PCDHGA1: variants seen among roughly 807,000 people sequenced by gnomAD.
The protein encoded by PCDHGA1 is protocadherin gamma-A1.
Under a neutral mutation model 58.0 loss-of-function variants are expected in PCDHGA1, and 32 were observed. The observed-to-expected ratio is 0.55, with a 90% CI of 0.42 to 0.74. The LOEUF (loss-of-function observed/expected upper bound fraction) is 0.74, where lower values mean the gene tolerates loss of function less well. PCDHGA1 is among the 30% of genes least tolerant of loss of function. The pLI is 0.00. For synonymous variants in PCDHGA1, 498 were observed against 501.1 expected (o/e 0.99, Z 0.08); for missense variants, 1,205 against 1,182.3 (o/e 1.02, Z -0.28).
chr5:141,454,998 G>A (rs909142112), intron 1 of PCDHGA1, among the ~76,000 whole-genome samples: 1 of 151,220 alleles, frequency 6.6e-6, no homozygotes, highest in Admixed American at 6.6e-5. Flanking sequence ...ATTTTTAGTA[G>A]AGACGGGGTT....
Position 141,493,788 on chromosome 5 carries a change from C to A in PCDHGA1, c.2422-1019C>A, listed in dbSNP as rs2099750132. On this transcript the variant is annotated intron_variant, in intron 1 of 3. Transcript: ENST00000517417. This position sits in a 1 kb window ranked among gnomAD's most constrained non-coding sequence, Gnocchi z 4.3. ...ACTGGCAGTTCCGGAGCTTCCTTCT[C>A]CCTGGAGTAATCTGAGATACTCACA... 6.6e-6 allele frequency among the ~76,000 whole-genome samples: 1 copy of A among 152,162 alleles called. No homozygotes were observed. The highest frequency in any genetic ancestry group is 1.5e-5 in the Non-Finnish European group (1 of 68,026).
Position 141,332,511 on chromosome 5 carries a change from C to G in PCDHGA1, c.1827C>G (p.Leu609=), listed in dbSNP as rs768649329. Residue 609 remains leucine, a synonymous_variant, in exon 1 of 4, where the codon CTC becomes CTG. Transcript: ENST00000517417. The surrounding 1 kb of genome is among the most constrained non-coding windows in gnomAD (Gnocchi z 4.6). ...ACGCCTGGCTGTCCTACCGCCTGCT[C>G]AAGGCCAGCGAGCCGGGACTCTTCT... ...GQNAWLSYRL[L]KASEPGLFSV... 2.5e-6 allele frequency: 4 copies of G among 1,612,786 alleles called. No individual in the cohort carries two copies. The highest frequency in any genetic ancestry group is 1.7e-6 in the Non-Finnish European group (2 of 1,179,990).
intron 1 of PCDHGA1, chr5:141,390,739 A>G (rs1459430005): frequency 5.6e-6 from 1 of 178,034 alleles, no homozygotes; most frequent in Non-Finnish European, 1.2e-5. Context: ...TATGGTCTCC[A>G]TAGTAGTCCA....
chr5:141,388,118 C>G (rs771996326), intron 1 of PCDHGA1: 1 of 1,412,700 alleles, frequency 7.1e-7, no homozygotes, highest in African/African-American at 1.4e-5. Flanking sequence ...TCACCGTGAG[C>G]GCAGAGAGCG....
At position 141,432,781 on chromosome 5, in the gene PCDHGA1, C is replaced by T. The variant is rs761954375; in HGVS notation, c.2422-62026C>T. On this transcript the variant is annotated intron_variant, in intron 1 of 3. Coordinates refer to ENST00000517417, the MANE Select transcript of PCDHGA1 (RefSeq NM_018912.3). This position sits in a 1 kb window ranked among gnomAD's most constrained non-coding sequence, Gnocchi z 6.0. ...ACAGCATCCCCCAAGTCCTGGCGGA[C>T]CTCGGCAGCCTCGAGTCTCCAGCTA... The T allele has an allele frequency of 3.1e-6, 5 of 1,614,064 alleles. No homozygotes were observed. The Admixed American group carries it at 8.3e-5, about 27-fold the overall frequency.
chr5:141,332,674 G>C lies in PCDHGA1; in HGVS notation c.1990G>C (p.Val664Leu), dbSNP rs768240411. 6.2e-7 allele frequency: 1 copy of C among 1,613,698 alleles called. No individual in the cohort carries two copies. The highest frequency in any genetic ancestry group is 8.5e-7 in the Non-Finnish European group (1 of 1,179,938). ...CGCCACTGTCACGCTCACCGTGGCC[G>C]TGGCCGACAGGATCTCCGACATCCT... ...LSATVTLTVA[V>L]ADRISDILAD... The change falls in exon 1 of 4, where the codon GTG becomes CTG. Residue 664 changes from valine to leucine, a missense_variant. Coordinates refer to ENST00000517417, the MANE Select transcript of PCDHGA1 (RefSeq NM_018912.3). This position sits in a 1 kb window ranked among gnomAD's most constrained non-coding sequence, Gnocchi z 4.6.
Position 141,400,219 on chromosome 5 carries a change from C to T in PCDHGA1, c.2421+67114C>T, listed in dbSNP as rs1200450595. On this transcript the variant is annotated intron_variant, in intron 1 of 3. Coordinates refer to ENST00000517417, the MANE Select transcript of PCDHGA1 (RefSeq NM_018912.3). ...GGTGGCCTTGGCCTTGATCTCAGTG[C>T]TCTTCCTCCTGGCCGTGATTCTGGC... The T allele has an allele frequency of 1.9e-6, 3 of 1,613,934 alleles. No homozygotes were observed. Among genetic ancestry groups the T allele is most frequent in the African/African-American group, 1.3e-5 (1 of 74,930 alleles).
rs960870975 is a variant in PCDHGA1 at position 141,417,761 on chromosome 5, C to T, written c.2422-77046C>T. On this transcript the variant is annotated intron_variant, in intron 1 of 3. Coordinates refer to ENST00000517417, the MANE Select transcript of PCDHGA1 (RefSeq NM_018912.3). ...ACACCAGATTGCCAGCTCCGAGACC[C>T]GGGACTCCTCCTGTCCTGGGCCGAA... is the stretch of plus-strand genomic sequence containing the variant. 1.8e-5 allele frequency: 26 copies of T among 1,438,736 alleles called. No homozygotes were observed. The East Asian group carries it at 5.0e-4, about 28-fold the overall frequency. The allele number at this position is 1,438,736 out of a possible 1,614,324, so 89.1% of individuals were successfully genotyped here.
chr5:141,498,625 T>C (rs1327552423), intron 2 of PCDHGA1, among the ~76,000 whole-genome samples: 1 of 152,176 alleles, frequency 6.6e-6, no homozygotes, highest in Non-Finnish European at 1.5e-5. Context: ...TGGGTCACAC[T>C]GCCTAGACAG....
intron 1 of PCDHGA1, among the ~76,000 whole-genome samples, chr5:141,436,701 A>C (rs571525375): frequency 6.9e-4 from 105 of 152,332 alleles, no homozygotes; most frequent in Non-Finnish European, 9.4e-4. Context: ...ATGCCAGCAC[A>C]CTCGATGTTC....
At chr5:141,366,851 G>T in intron 1 of PCDHGA1, 2 of 1,439,646 alleles carry the variant, frequency 1.4e-6, no homozygotes, top group Non-Finnish European at 1.9e-6. Context: ...GTAAATAGTG[G>T]AACATTATTT....
chr5:141,360,120 C>A, intron 1 of PCDHGA1: 1 of 1,578,376 alleles, frequency 6.3e-7, no homozygotes, highest in Non-Finnish European at 8.6e-7. Flanking sequence ...GGCAAAGGAG[C>A]AAAGGGAGCC....
intron 1 of PCDHGA1, chr5:141,344,855 T>A (rs916854411): frequency 6.2e-7 from 1 of 1,613,998 alleles, no homozygotes; most frequent in Admixed American, 1.7e-5. Flanking sequence ...AGGGATTCAA[T>A]GCTCAAGTGT....
rs1036281905 is a variant in PCDHGA1 at position 141,493,555 on chromosome 5, T to C, written c.2422-1252T>C. ...GCCAGTTATCCTTTTGGAGATTGAG[T>C]TCCCCCAGCTCCGTTTCCTCCTATC... On this transcript the variant is annotated intron_variant, in intron 1 of 3. Transcript: ENST00000517417. This position sits in a 1 kb window ranked among gnomAD's most constrained non-coding sequence, Gnocchi z 4.3. Among the ~76,000 whole-genome samples, 3 of 152,012 alleles carry C rather than the reference T, an allele frequency of 2.0e-5. No individual in the cohort carries two copies. Among genetic ancestry groups the C allele is most frequent in the African/African-American group, 7.3e-5 (3 of 41,362 alleles).
chr5:141,372,392 T>C (rs1768728273), intron 1 of PCDHGA1: 25 of 1,614,052 alleles, frequency 1.5e-5, no homozygotes, highest in Non-Finnish European at 2.1e-5. Context: ...TCTTCGCAGA[T>C]AGCTTGCAAG....
intron 1 of PCDHGA1, among the ~76,000 whole-genome samples, chr5:141,453,135 A>G (rs932061368): frequency 6.6e-6 from 1 of 151,778 alleles, no homozygotes; most frequent in Non-Finnish European, 1.5e-5. Context: ...TGTTTTTGAG[A>G]TAGGGTCTCG....
chr5:141,489,707 G>A lies in PCDHGA1; in HGVS notation c.2422-5100G>A. 6.2e-7 allele frequency: 1 copy of A among 1,614,194 alleles called. No individual in the cohort carries two copies. Among genetic ancestry groups the A allele is most frequent in the Non-Finnish European group, 8.5e-7 (1 of 1,180,022 alleles). The stretch of plus-strand genomic sequence containing the variant: ...TCTGGGGCACGATTCCCACTGGACA[G>A]TGCCCAGGATCCGGATGTGGGCACC... On this transcript the variant is annotated intron_variant, in intron 1 of 3. Transcript: ENST00000517417. The surrounding 1 kb of genome is among the most constrained non-coding windows in gnomAD (Gnocchi z 4.5).
chr5:141,364,528 C>A (rs1445482375), intron 1 of PCDHGA1: 2 of 1,613,930 alleles, frequency 1.2e-6, no homozygotes, highest in Non-Finnish European at 1.7e-6. Context: ...GAGTCCGCAT[C>A]GTCTCCAGAG....
rs774780380 is a variant in PCDHGA1 at position 141,432,864 on chromosome 5, G to C, written c.2422-61943G>C. Reference sequence around the variant, plus strand: ...GTGGTAGCGGTGGCCGCGGTCTCCTGCGTCTTCCTGGCCTTCGTCATCTTG... The same window carrying C: ...GTGGTAGCGGTGGCCGCGGTCTCCTCCGTCTTCCTGGCCTTCGTCATCTTG... On this transcript the variant is annotated intron_variant, in intron 1 of 3. Coordinates refer to ENST00000517417, the MANE Select transcript of PCDHGA1 (RefSeq NM_018912.3). The surrounding 1 kb of genome is among the most constrained non-coding windows in gnomAD (Gnocchi z 6.0). 6.2e-7 allele frequency: 1 copy of C among 1,614,168 alleles called. No homozygotes were observed.
Sources: gnomAD v4.1 joint callset for allele counts (sites outside exome capture counted in the v4.1 genomes callset) on GRCh38, gnomAD v4.1.1 for gene constraint, Gnocchi (gnomAD v3.1) non-coding constraint, MANE v1.5 for transcripts, NCBI Gene and HGNC (gene_info 2026-07-23, HGNC 2026-07-21) for gene names.